WNT3A: variants seen among roughly 807,000 people sequenced by gnomAD.
WNT3A encodes Wnt family member 3A.
WNT3A carries 17 observed loss-of-function variants against 37.0 expected under a neutral mutation model. That is an observed-to-expected ratio of 0.46 (90% CI 0.31 to 0.69). WNT3A has a LOEUF of 0.69. Among genes scored for constraint, WNT3A ranks in the 30% least tolerant of loss-of-function variants. The pLI is 0.05. For missense variants in WNT3A, 411 were observed against 510.2 expected (o/e 0.81, Z 1.87); for synonymous variants, 187 against 211.0 (o/e 0.89, Z 0.99).
intron 3 of WNT3A, among the ~76,000 whole-genome samples, chr1:228,053,026 G>T (rs930816788): frequency 9.2e-5 from 14 of 152,160 alleles, no homozygotes; most frequent in Non-Finnish European, 1.9e-4. Flanking sequence ...TGCTGTAAAA[G>T]GGCTTGCAGA....
At chr1:228,011,044 C>T (rs928778079) in intron 1 of WNT3A, among the ~76,000 whole-genome samples, 3 of 152,196 alleles carry the variant, frequency 2.0e-5, no homozygotes, top group African/African-American at 7.2e-5. Flanking sequence ...CCAGGCACTT[C>T]GCCCCTGTGT....
chr1:228,009,375 G>T (rs983372947), intron 1 of WNT3A, among the ~76,000 whole-genome samples: 3 of 152,180 alleles, frequency 2.0e-5, no homozygotes, highest in African/African-American at 7.2e-5. Flanking sequence ...GACCCCTGCC[G>T]CTGGCATCCT....
chr1:228,039,674 C>T lies in WNT3A; in HGVS notation c.314-10982C>T, dbSNP rs551246223. 3.3e-5 allele frequency among the ~76,000 whole-genome samples: 5 copies of T among 152,174 alleles called. No individual in the cohort carries two copies. Among genetic ancestry groups the T allele is most frequent in the Admixed American group, 6.5e-5 (1 of 15,288 alleles). On this transcript the variant is annotated intron_variant, in intron 2 of 3. Transcript: ENST00000284523. The surrounding 1 kb of genome is among the most constrained non-coding windows in gnomAD (Gnocchi z 4.1). ...CTGGAGACCCTTTAAGATATAGGTG[C>T]CCCCCACCCCAGTTGAACTTGGGTC...
intron 1 of WNT3A, among the ~76,000 whole-genome samples, chr1:228,011,143 C>T (rs946651951): frequency 1.4e-4 from 22 of 152,286 alleles, no homozygotes; most frequent in African/African-American, 5.1e-4. Context: ...AGGCAGGAGC[C>T]AGGAAAGGGT....
intron 2 of WNT3A, among the ~76,000 whole-genome samples, chr1:228,040,329 A>G (rs1261415061): frequency 6.6e-6 from 1 of 151,956 alleles, no homozygotes; most frequent in African/African-American, 2.4e-5. Context: ...TGCTTTTCCC[A>G]CTGTCACCCC....
At chr1:228,051,513 A>G (rs2031555153) in intron 3 of WNT3A, among the ~76,000 whole-genome samples, 1 of 152,124 alleles carries the variant, frequency 6.6e-6, no homozygotes, top group Non-Finnish European at 1.5e-5. Flanking sequence ...ATTTATAAAC[A>G]ATGGGAGTTT....
rs943089760 is a variant in WNT3A, at chr1:228,060,663, C to G, written c.*1198C>G. The G allele has an allele frequency of 1.2e-5, 2 of 169,646 alleles. No homozygotes were observed. Among genetic ancestry groups the G allele is most frequent in the Non-Finnish European group, 2.6e-5 (2 of 77,686 alleles). The allele number at this position is 169,646 out of a possible 1,614,324, so 10.5% of individuals were successfully genotyped here. ...CTGCTCTGCTCAGCTGCGCCCCCTTCTTTGCAGCTGCCCAGCCCCTCCTCC... is the reference window on the plus strand; with the variant it reads ...CTGCTCTGCTCAGCTGCGCCCCCTTGTTTGCAGCTGCCCAGCCCCTCCTCC... On this transcript the variant is annotated 3_prime_UTR_variant, in exon 4 of 4. Transcript: ENST00000284523.
At chr1:228,030,033 C>G (rs1436259656) in intron 2 of WNT3A, among the ~76,000 whole-genome samples, 1 of 152,090 alleles carries the variant, frequency 6.6e-6, no homozygotes, top group East Asian at 1.9e-4. Flanking sequence ...TACAATGAGC[C>G]ATGATGGCAC....
intron 2 of WNT3A, among the ~76,000 whole-genome samples, chr1:228,035,113 C>T (rs1406937625): frequency 2.6e-5 from 4 of 152,162 alleles, no homozygotes; most frequent in Non-Finnish European, 5.9e-5. Flanking sequence ...GTGCATGACT[C>T]GGGGAATCCC....
At chr1:228,044,162 GT>G (rs954897945) in intron 2 of WNT3A, among the ~76,000 whole-genome samples, 3 of 151,926 alleles carry the variant, frequency 2.0e-5, no homozygotes, top group Non-Finnish European at 4.4e-5. Flanking sequence ...ATGTTTGTTT[GT>G]TTTTTAAGAA....
At chr1:228,029,749 C>A (rs554758294) in intron 2 of WNT3A, among the ~76,000 whole-genome samples, 1 of 151,206 alleles carries the variant, frequency 6.6e-6, no homozygotes, top group African/African-American at 2.4e-5. Context: ...CACCCCCCCC[C>A]CAATTCCTAC....
chr1:228,055,158 CAAAAAAAAAAA>C (rs34263332), intron 3 of WNT3A, among the ~76,000 whole-genome samples: 1 of 15,770 alleles, frequency 6.3e-5, no homozygotes, highest in African/African-American at 3.2e-4. Context: ...AACTCCGTCC[CAAAAAAAAAAA>C]AAAAAAAAAA....
chr1:228,059,459 C>A lies in WNT3A; in HGVS notation c.1053C>A (p.Cys351Ter). 6.6e-7 allele frequency: 1 copy of A among 1,504,730 alleles called. No homozygotes were observed. 93.2% of individuals were successfully genotyped at this position (1,504,730 alleles called of 1,614,324 possible). Reference sequence around the variant, plus strand: ...CGCGCGTCTACGACGTGCACACCTGCAAGTAGGCACCGGCCGCGGCTCCCC... The same window carrying A: ...CGCGCGTCTACGACGTGCACACCTGAAAGTAGGCACCGGCCGCGGCTCCCC... ...ECTRVYDVHT[C>*]K Residue 351 changes from cysteine (C) to a stop codon, truncating the protein, a stop_gained, in exon 4 of 4, where the codon TGC (cysteine) becomes TGA (stop). Transcript: ENST00000284523. LOFTEE classifies it high-confidence loss of function.
chr1:228,043,331 G>C (rs2031332194), intron 2 of WNT3A, among the ~76,000 whole-genome samples: 1 of 152,174 alleles, frequency 6.6e-6, no homozygotes, highest in African/African-American at 2.4e-5. Flanking sequence ...GGCTCAAAAA[G>C]TTCAGCCAGG....
chr1:228,013,224 T>A (rs1014122375), intron 1 of WNT3A, among the ~76,000 whole-genome samples: 1 of 152,112 alleles, frequency 6.6e-6, no homozygotes, highest in African/African-American at 2.4e-5. Context: ...GTATTTTTCA[T>A]TTTTTGTTGA....
At chr1:228,047,792 C>T (rs1571812030) in intron 2 of WNT3A, among the ~76,000 whole-genome samples, 1 of 151,946 alleles carries the variant, frequency 6.6e-6, no homozygotes, top group Non-Finnish European at 1.5e-5. Context: ...AGAGCAGGAG[C>T]GGGATAAAGA....
At chr1:228,057,080 A>G (rs1268211413) in intron 3 of WNT3A, among the ~76,000 whole-genome samples, 2 of 152,244 alleles carry the variant, frequency 1.3e-5, no homozygotes, top group Non-Finnish European at 2.9e-5. Flanking sequence ...GAATATGTAG[A>G]TAAGTAAGGG....
rs553989329 is a variant in WNT3A at position 228,061,096 on chromosome 1, T to G, written c.*1631T>G. On this transcript the variant is annotated 3_prime_UTR_variant, in exon 4 of 4. Coordinates refer to ENST00000284523, the MANE Select transcript of WNT3A (RefSeq NM_033131.4). ...GCCTCATGGCCAGCGCCCCTCAGCC[T>G]CTGCCACTGTGAACCGGCTCCCACC... is the stretch of plus-strand genomic sequence containing the variant. 2.6e-5 allele frequency: 4 copies of G among 152,792 alleles called. No homozygotes were observed. Among genetic ancestry groups the G allele is most frequent in the Non-Finnish European group, 5.9e-5 (4 of 68,072 alleles). 9.5% of individuals were successfully genotyped at this position (152,792 alleles called of 1,614,324 possible).
chr1:228,046,523 T>A (rs2031411067), intron 2 of WNT3A, among the ~76,000 whole-genome samples: 1 of 150,380 alleles, frequency 6.6e-6, no homozygotes, highest in African/African-American at 2.5e-5. Flanking sequence ...TTCATGTATG[T>A]GTATGTGTTG....
Sources: allele counts gnomAD v4.1 joint callset (sites outside exome capture counted in the v4.1 genomes callset), GRCh38; gene constraint gnomAD v4.1.1; non-coding constraint Gnocchi (gnomAD v3.1); transcripts MANE v1.5; gene names NCBI Gene and HGNC (gene_info 2026-07-23, HGNC 2026-07-21).